SELE: variants seen among roughly 807,000 people sequenced by gnomAD.
The protein encoded by SELE is selectin E, also known as E-selectin.
Under a neutral mutation model 75.8 loss-of-function variants are expected in SELE, and 52 were observed. The observed-to-expected ratio is 0.69, with a 90% CI of 0.55 to 0.86. The LOEUF (loss-of-function observed/expected upper bound fraction) is 0.86. Ranked by LOEUF, SELE falls within the 40% of genes least tolerant of loss-of-function variation. The pLI, the probability that SELE is intolerant of heterozygous loss-of-function variation, is 0.00. For synonymous variants in SELE, 285 were observed against 258.7 expected (o/e 1.10, Z -0.98); for missense variants, 754 against 732.7 (o/e 1.03, Z -0.34).
Position 169,727,720 on chromosome 1 carries a change from A to T in SELE, c.1468+19T>A. Reference sequence around the variant, plus strand: ...AAGTATTTGACCTGTACCCTAAAAAAGTCTGCACTCAATTCTACCTTGGCA... The same window carrying T: ...AAGTATTTGACCTGTACCCTAAAAATGTCTGCACTCAATTCTACCTTGGCA... On this transcript the variant is annotated intron_variant, in intron 9 of 13. Transcript: ENST00000333360. 6.2e-7 allele frequency: 1 copy of T among 1,610,648 alleles called. No individual in the cohort carries two copies. The highest frequency in any genetic ancestry group is 8.5e-7 in the Non-Finnish European group (1 of 1,177,890).
chr1:169,728,919 T>A (rs1648840032), intron 7 of SELE, among the ~76,000 whole-genome samples: 1 of 152,174 alleles, frequency 6.6e-6, no homozygotes, highest in Admixed American at 6.5e-5. Flanking sequence ...TCCTTTAGAT[T>A]AAGAATTCTG....
At position 169,727,847 on chromosome 1, in the gene SELE, T is replaced by G. The variant is rs1648813382; in HGVS notation, c.1360A>C (p.Lys454Gln). Reference protein sequence around the residue: ...AHSPIGEFTYKSSCAFSCEEG... With the variant: ...AHSPIGEFTYQSSCAFSCEEG... ...TCACAGCTGAAGGCACAAGAGGACT[T>G]GTAGGTGAATTCTCCAATAGGGGAA... Residue 454 changes from lysine to glutamine, a missense_variant, in exon 9 of 14, where the codon AAG becomes CAG. By Grantham distance (53) the Lys-to-Gln change is moderately conservative. Transcript: ENST00000333360. The G allele has an allele frequency of 1.2e-6, 2 of 1,614,168 alleles. No homozygotes were observed. Among genetic ancestry groups the G allele is most frequent in the African/African-American group, 2.7e-5 (2 of 75,050 alleles).
At chr1:169,728,269 A>T in intron 7 of SELE, 23 bp from the exon 8 acceptor site, 1 of 1,610,948 alleles carries the variant, frequency 6.2e-7, no homozygotes, top group South Asian at 1.1e-5. Flanking sequence ...AATGATGGTC[A>T]GAAAATATTG....
rs140351789 is a variant in SELE at position 169,728,090 on chromosome 1, C to G, written c.1247G>C (p.Gly416Ala). The G allele has an allele frequency of 2.7e-4, 433 of 1,614,140 alleles. No individual in the cohort carries two copies. Among genetic ancestry groups the G allele is most frequent in the Non-Finnish European group, 2.8e-4 (336 of 1,180,002 alleles). Residue 416 changes from glycine to alanine, a missense_variant, in exon 8 of 14, where the codon GGG (glycine) becomes GCG (alanine). Transcript: ENST00000333360. ...TGTGGGCTTCTCGTTGTCCCACTCC[C>G]CTGTGGGGCCACATTGGAGCCTTTT... ...GSKRLQCGPT[G>A]EWDNEKPTCE...
At chr1:169,732,323 G>GTA (rs1648930294) in intron 3 of SELE, among the ~76,000 whole-genome samples, 1 of 146,928 alleles carries the variant, frequency 6.8e-6, no homozygotes, top group African/African-American at 2.5e-5. Context: ...ATATATGTGT[G>GTA]TATATGTGTG....
At chr1:169,726,584 C>T in intron 11 of SELE, 115 bp downstream of exon 11, 2 of 759,682 alleles carry the variant, frequency 2.6e-6, no homozygotes, top group Non-Finnish European at 4.5e-6. Context: ...AATTATACTG[C>T]ATTTTATCCA....
intron 7 of SELE, among the ~76,000 whole-genome samples, chr1:169,728,464 C>T (rs1326361312): frequency 6.6e-6 from 1 of 152,136 alleles, no homozygotes; most frequent in Non-Finnish European, 1.5e-5. Flanking sequence ...AACATTAGTT[C>T]CTGAGCACTG....
Position 169,732,756 on chromosome 1 carries a change from C to T in SELE, c.280G>A (p.Ala94Thr). Residue 94 changes from alanine (A) to threonine (T), a missense_variant, in exon 3 of 14, where the codon GCC (alanine) becomes ACC (threonine). Coordinates refer to ENST00000333360, the MANE Select transcript of SELE (RefSeq NM_000450.2). Reference protein sequence around the residue: ...VGTQKPLTEEAKNWAPGEPNN... With the variant: ...VGTQKPLTEETKNWAPGEPNN... ...GGTTCACCTGGAGCCCAGTTCTTGGCTTCTTCTGTCAGAGGTTTCTGGGTT... is the reference window on the plus strand; with the variant it reads ...GGTTCACCTGGAGCCCAGTTCTTGGTTTCTTCTGTCAGAGGTTTCTGGGTT... The T allele has an allele frequency of 6.2e-7, 1 of 1,614,128 alleles. No individual in the cohort carries two copies. Among genetic ancestry groups the T allele is most frequent in the Non-Finnish European group, 8.5e-7 (1 of 1,180,002 alleles).
chr1:169,733,598 C>A lies in SELE; in HGVS notation c.15G>T (p.Gln5His). MIASQFLSALTLVLL... is the reference protein window; with the variant it reads MIASHFLSALTLVLL... ...TACCCAAAGTGAGAGCTGAGAGAAA[C>A]TGTGAAGCAATCATGACTTCAAGAG... is the stretch of plus-strand genomic sequence containing the variant. The change falls in exon 2 of 14, where the codon CAG becomes CAT. Residue 5 changes from glutamine to histidine, a missense_variant. By Grantham distance (24) the Gln-to-His change is conservative. Transcript: ENST00000333360. 6.2e-7 allele frequency: 1 copy of A among 1,614,024 alleles called. No homozygotes were observed. The highest frequency in any genetic ancestry group is 8.5e-7 in the Non-Finnish European group (1 of 1,179,914).
chr1:169,726,898 A>C, intron 10 of SELE, 92 bp from the exon 11 acceptor site: 2 of 817,114 alleles, frequency 2.4e-6, no homozygotes, highest in Non-Finnish European at 4.1e-6. Context: ...CTGTACATTC[A>C]TTACTAGGAG....
At chr1:169,726,893 C>T (rs1648788023) in intron 10 of SELE, 87 bp from the exon 11 acceptor site, 16 of 846,566 alleles carry the variant, frequency 1.9e-5, no homozygotes, top group Non-Finnish European at 2.9e-5. Flanking sequence ...TTTTTCTGTA[C>T]ATTCATTACT....
intron 8 of SELE, 21 bp from the exon 9 acceptor site, chr1:169,727,948 C>A: frequency 6.2e-7 from 1 of 1,602,886 alleles, no homozygotes; most frequent in African/African-American, 1.3e-5. Context: ...CGAGAGAGCA[C>A]TTTAGAAGTT....
chr1:169,725,306 G>A (rs887845814), intron 13 of SELE, among the ~76,000 whole-genome samples: 24 of 151,518 alleles, frequency 1.6e-4, no homozygotes, highest in African/African-American at 5.6e-4. Context: ...TTGCTTGAAC[G>A]CAGGAGGTGG....
chr1:169,729,342 T>G lies in SELE; in HGVS notation c.934A>C (p.Asn312His). The change falls in exon 7 of 14, where the codon AAT (asparagine) becomes CAT (histidine). Residue 312 changes from asparagine (N) to histidine (H), a missense_variant. By Grantham distance (68) the Asn-to-His change is moderately conservative (BLOSUM62 1). Coordinates refer to ENST00000333360, the MANE Select transcript of SELE (RefSeq NM_000450.2). ...GAATGGCTGCACCTCACAGAGCCATTCTGAGGCTGGCGGACGGCCCTGCAT... is the reference window on the plus strand; with the variant it reads ...GAATGGCTGCACCTCACAGAGCCATGCTGAGGCTGGCGGACGGCCCTGCAT... ...VTCRAVRQPQNGSVRCSHSPA... is the reference protein window; with the variant it reads ...VTCRAVRQPQHGSVRCSHSPA... 6.2e-7 allele frequency: 1 copy of G among 1,614,068 alleles called. No individual in the cohort carries two copies. Among genetic ancestry groups the G allele is most frequent in the Non-Finnish European group, 8.5e-7 (1 of 1,179,982 alleles).
intron 13 of SELE, among the ~76,000 whole-genome samples, chr1:169,724,910 T>A (rs962245444): frequency 1.3e-5 from 2 of 152,200 alleles, no homozygotes; most frequent in Admixed American, 6.5e-5. Context: ...TTTAATTTTT[T>A]AAAAAGTATT....
rs1408526898 is a variant in SELE at position 169,731,860 on chromosome 1, G to T, written c.504C>A (p.Gly168=). 1.2e-6 allele frequency: 2 copies of T among 1,613,520 alleles called. No homozygotes were observed. The highest frequency in any genetic ancestry group is 1.7e-6 in the Non-Finnish European group (2 of 1,179,502). ...INNYTCKCDP[G]FSGLKCEQIV... is the part of the protein sequence containing the mutation. ...TTTGCTCACACTTGAGTCCACTGAA[G>T]CCAGGGTCACACTTGCAAGTGTAAT... Residue 168 remains glycine, a synonymous_variant, in exon 4 of 14, where the codon GGC becomes GGA. Coordinates refer to ENST00000333360, the MANE Select transcript of SELE (RefSeq NM_000450.2).
Position 169,723,897 on chromosome 1 carries a change from T to C in SELE, c.*628A>G, listed in dbSNP as rs1648685043. ...AAATATCACAATCCTTAAGAACTCT[T>C]TAAGAAGCACTGAATCCCATAGGGA... On this transcript the variant is annotated 3_prime_UTR_variant, in exon 14 of 14. Coordinates refer to ENST00000333360, the MANE Select transcript of SELE (RefSeq NM_000450.2). The C allele has an allele frequency of 1.3e-5, 2 of 152,194 alleles. No homozygotes were observed. Among genetic ancestry groups the C allele is most frequent in the African/African-American group, 2.4e-5 (1 of 41,452 alleles). The allele number at this position is 152,194 out of a possible 1,614,324, so 9.4% of individuals were successfully genotyped here.
chr1:169,732,972 A>C lies in SELE; in HGVS notation c.64T>G (p.Trp22Gly). The change falls in exon 3 of 14, where the codon TGG (tryptophan) becomes GGG (glycine). Residue 22 changes from tryptophan (W) to glycine (G), a missense_variant. Trp to Gly is a radical substitution (Grantham distance 184). Coordinates refer to ENST00000333360, the MANE Select transcript of SELE (RefSeq NM_000450.2). ...LVLLIKESGA[W>G]SYNTSTEAMT... Reference sequence around the variant, plus strand: ...GCTTCCGTGGAGGTGTTGTAAGACCAGGCTCCACTCTCTTTAATGAGAAGC... The same window carrying C: ...GCTTCCGTGGAGGTGTTGTAAGACCCGGCTCCACTCTCTTTAATGAGAAGC... The C allele has an allele frequency of 6.2e-7, 1 of 1,604,748 alleles. No individual in the cohort carries two copies. The highest frequency in any genetic ancestry group is 8.5e-7 in the Non-Finnish European group (1 of 1,176,960).
chr1:169,725,388 T>TAAA (rs200945630), intron 13 of SELE, among the ~76,000 whole-genome samples: 3 of 136,508 alleles, frequency 2.2e-5, no homozygotes, highest in Non-Finnish European at 4.8e-5. Flanking sequence ...ATCTCAAAAT[T>TAAA]AAAAAAAAAA....
Sources: gnomAD v4.1 joint callset for allele counts (sites outside exome capture counted in the v4.1 genomes callset) on GRCh38, gnomAD v4.1.1 for gene constraint, MANE v1.5 for transcripts, NCBI Gene and HGNC (gene_info 2026-07-23, HGNC 2026-07-21) for gene names.